Variants in CTNND2 observed in about 807,000 individuals in gnomAD.
CTNND2 encodes catenin delta 2.
In CTNND2, 22 loss-of-function variants were observed where a neutral mutation model predicts 144.4. That is an observed-to-expected ratio of 0.15 (90% CI 0.11 to 0.22). The LOEUF (loss-of-function observed/expected upper bound fraction) is 0.22, where lower values mean the gene tolerates loss of function less well. Ranked by LOEUF, CTNND2 falls within the 10% of genes least tolerant of loss-of-function variation. The pLI, the probability that CTNND2 is intolerant of heterozygous loss-of-function variation, is 1.00. For synonymous variants in CTNND2, 751 were observed against 695.6 expected, an observed-to-expected ratio of 1.08 and a Z score of -1.25; for missense variants, 1,353 against 1,618.8, an observed-to-expected ratio of 0.84 and a Z score of 2.82.
chr5:11,032,644 T>G (rs1461858827), intron 16 of CTNND2, among the ~76,000 whole-genome samples: 2 of 152,104 alleles, frequency 1.3e-5, no homozygotes, highest in African/African-American at 4.8e-5. Flanking sequence ...GCTTATTTTT[T>G]TTTCCCCTAA....
At chr5:11,539,668 A>G (rs753357003) in intron 3 of CTNND2, among the ~76,000 whole-genome samples, 14 of 152,212 alleles carry the variant, frequency 9.2e-5, no homozygotes, top group Admixed American at 1.3e-4. Flanking sequence ...TGCAGCCAAT[A>G]TGAAGCCTTC....
intron 1 of CTNND2, among the ~76,000 whole-genome samples, chr5:11,785,584 G>A (rs1392228177): frequency 6.6e-6 from 1 of 152,020 alleles, no homozygotes; most frequent in South Asian, 2.1e-4. Context: ...ACTAACATAT[G>A]TTAATGTGGG....
chr5:11,861,855 C>T (rs1336211831), intron 1 of CTNND2, among the ~76,000 whole-genome samples: 3 of 152,130 alleles, frequency 2.0e-5, no homozygotes, highest in East Asian at 3.8e-4. Flanking sequence ...TGAGTATACT[C>T]GGCATTCTCA....
At chr5:11,750,706 C>T (rs994406375) in intron 1 of CTNND2, among the ~76,000 whole-genome samples, 1 of 151,546 alleles carries the variant, frequency 6.6e-6, no homozygotes, top group African/African-American at 2.4e-5. Context: ...AGGTTTGCGT[C>T]AAGATTCAAA....
At chr5:11,021,697 T>C (rs1435676392) in intron 17 of CTNND2, among the ~76,000 whole-genome samples, 1 of 152,130 alleles carries the variant, frequency 6.6e-6, no homozygotes, top group African/African-American at 2.4e-5. Flanking sequence ...CTATAATACA[T>C]TGGTACTATC....
chr5:11,432,308 T>C (rs1283170873), intron 3 of CTNND2, among the ~76,000 whole-genome samples: 2 of 150,182 alleles, frequency 1.3e-5, no homozygotes, highest in Non-Finnish European at 3.0e-5. Flanking sequence ...CCAAATTGTA[T>C]GAAATTTACC....
intron 2 of CTNND2, among the ~76,000 whole-genome samples, chr5:11,572,625 G>T (rs928814195): frequency 5.3e-5 from 8 of 151,902 alleles, no homozygotes; most frequent in African/African-American, 1.9e-4. Context: ...TCCTACGACT[G>T]ACCACTAGCT....
chr5:11,009,669 C>A (rs748363762), intron 18 of CTNND2, among the ~76,000 whole-genome samples: 1 of 152,160 alleles, frequency 6.6e-6, no homozygotes, highest in Non-Finnish European at 1.5e-5. Flanking sequence ...AAAAATGTTA[C>A]GAGCGAAGCC....
intron 1 of CTNND2, among the ~76,000 whole-genome samples, chr5:11,755,653 T>TTG (rs70949335): frequency 6.6e-6 from 1 of 150,768 alleles, no homozygotes; most frequent in African/African-American, 2.4e-5. Flanking sequence ...TTTTTTTTTT[T>TTG]GTCTGATCAT....
In CTNND2 at chr5:11,111,021, A is replaced by G. The variant is rs1237898890; in HGVS notation, c.2300T>C (p.Ile767Thr). ...CAGCCGGTACGAGAGGTTCCTTAAAATGCACACACAGTTTTCAACGGTCTG... is the reference window on the plus strand; with the variant it reads ...CAGCCGGTACGAGAGGTTCCTTAAAGTGCACACACAGTTTTCAACGGTCTG... ...DSKTVENCVC[I>T]LRNLSYRLAA... is the part of the protein sequence containing the mutation. Residue 767 changes from isoleucine (I) to threonine (T), a missense_variant, in exon 14 of 22, where the codon ATT becomes ACT. Physicochemically the swap from Ile to Thr is moderately conservative, Grantham distance 89. Coordinates refer to ENST00000304623, the MANE Select transcript of CTNND2 (RefSeq NM_001332.4). 2.5e-6 allele frequency: 4 copies of G among 1,614,100 alleles called. No homozygotes were observed. The highest frequency in any genetic ancestry group is 1.6e-4 in the Middle Eastern group (1 of 6,062).
intron 8 of CTNND2, among the ~76,000 whole-genome samples, chr5:11,358,298 C>T (rs1756104774): frequency 6.6e-6 from 1 of 152,192 alleles, no homozygotes; most frequent in Non-Finnish European, 1.5e-5. Context: ...ACTCTGTCTT[C>T]CTTCAACTAA....
rs566316380 is a variant in CTNND2, at chr5:11,291,423, A to G, written c.1629-54600T>C. On this transcript the variant is annotated intron_variant, in intron 9 of 21. Coordinates refer to ENST00000304623, the MANE Select transcript of CTNND2 (RefSeq NM_001332.4). The stretch of plus-strand genomic sequence containing the variant: ...GTCCCAAGTTTGATCCTGTTCCTTC[A>G]GTTCACATGAAGTAAATCATTTTCC... Among the ~76,000 whole-genome samples, 170 of 152,110 alleles carry G rather than the reference A, an allele frequency of 1.1e-3. 1 individual carries two copies. Among genetic ancestry groups the G allele is most frequent in the African/African-American group, 3.9e-3 (162 of 41,488 alleles).
rs187957157 is a variant in CTNND2 at position 11,094,541 on chromosome 5, G to A, written c.2637+4034C>T. 3.9e-3 allele frequency among the ~76,000 whole-genome samples: 582 copies of A among 148,904 alleles called. 5 individuals carry two copies. The highest frequency in any genetic ancestry group is 0.013 in the African/African-American group (543 of 40,442). On this transcript the variant is annotated intron_variant, in intron 15 of 21. Coordinates refer to ENST00000304623, the MANE Select transcript of CTNND2 (RefSeq NM_001332.4). Reference sequence around the variant, plus strand: ...TGTCACCAGGCTGGAGTGCAGTGGCGTGATCCTGGCTCACTGCAATCTCCG... The same window carrying A: ...TGTCACCAGGCTGGAGTGCAGTGGCATGATCCTGGCTCACTGCAATCTCCG...
intron 1 of CTNND2, among the ~76,000 whole-genome samples, chr5:11,740,138 C>T (rs1787918591): frequency 6.6e-6 from 1 of 152,076 alleles, no homozygotes; most frequent in Non-Finnish European, 1.5e-5. Context: ...AGATTCAATG[C>T]CCTCCCCATC....
At chr5:11,322,171 T>A (rs940714834) in intron 9 of CTNND2, among the ~76,000 whole-genome samples, 29 of 152,206 alleles carry the variant, frequency 1.9e-4, no homozygotes, top group Admixed American at 1.9e-3. Context: ...AATTGCCTCA[T>A]GCAGCTTGCT....
intron 2 of CTNND2, among the ~76,000 whole-genome samples, chr5:11,689,396 A>G (rs1015963478): frequency 6.6e-6 from 1 of 152,262 alleles, no homozygotes; most frequent in African/African-American, 2.4e-5. Context: ...ACATTTGTGA[A>G]TTAGTTGTGT....
chr5:11,858,756 C>T (rs1174741855), intron 1 of CTNND2, among the ~76,000 whole-genome samples: 1 of 152,036 alleles, frequency 6.6e-6, no homozygotes, highest in African/African-American at 2.4e-5. Flanking sequence ...GGTGAAACTC[C>T]GTCTCTACTA....
chr5:11,650,511 T>C (rs770192446), intron 2 of CTNND2, among the ~76,000 whole-genome samples: 1 of 151,982 alleles, frequency 6.6e-6, no homozygotes, highest in Non-Finnish European at 1.5e-5. Flanking sequence ...TGGGCAGAGG[T>C]TGGACTAGTT....
chr5:11,616,562 C>G (rs1780590916), intron 2 of CTNND2, among the ~76,000 whole-genome samples: 1 of 151,268 alleles, frequency 6.6e-6, no homozygotes, highest in Non-Finnish European at 1.5e-5. Flanking sequence ...TCCCTCCCTC[C>G]CTCCTTCCCT....
Sources: gnomAD v4.1 joint callset for allele counts (sites outside exome capture counted in the v4.1 genomes callset) on GRCh38, gnomAD v4.1.1 for gene constraint, MANE v1.5 for transcripts, NCBI Gene and HGNC (gene_info 2026-07-23, HGNC 2026-07-21) for gene names.